Variants in SLC16A10 observed in about 807,000 individuals in gnomAD.
SLC16A10 encodes the protein monocarboxylate transporter 10.
A neutral mutation model predicts 40.0 loss-of-function variants in SLC16A10; 27 were observed. The ratio of observed to expected loss-of-function variants is 0.67; its 90% CI spans 0.50 to 0.93. The LOEUF (loss-of-function observed/expected upper bound fraction) is 0.93, where lower values mean the gene tolerates loss of function less well. SLC16A10 is among the 40% of genes least tolerant of loss of function. The pLI is 0.00. For missense variants in SLC16A10, 529 were observed against 658.2 expected (o/e 0.80, Z 2.15); for synonymous variants, 213 against 249.8 (o/e 0.85, Z 1.39).
chr6:111,195,574 T>A (rs577057991), intron 3 of SLC16A10, among the ~76,000 whole-genome samples: 36 of 152,170 alleles, frequency 2.4e-4, no homozygotes, highest in African/African-American at 8.7e-4. Flanking sequence ...ATCAAAAAAA[T>A]AAAAATAGTC....
chr6:111,175,705 A>AT (rs35809166), intron 2 of SLC16A10, among the ~76,000 whole-genome samples: 50,926 of 144,752 alleles, frequency 0.35, 9,297 homozygotes, highest in Non-Finnish European at 0.42. Flanking sequence ...GCAGAACCAC[A>AT]TTTTTTTTTT....
chr6:111,203,719 CAAATAAAT>C (rs60881476), intron 3 of SLC16A10, among the ~76,000 whole-genome samples: 1,730 of 138,146 alleles, frequency 0.013, 43 homozygotes, highest in African/African-American at 0.041. Context: ...AACCCCATCT[CAAATAAAT>C]AAATAAATAA....
intron 1 of SLC16A10, among the ~76,000 whole-genome samples, chr6:111,116,272 C>CAGTG (rs1161945063): frequency 2.0e-5 from 3 of 151,860 alleles, no homozygotes; most frequent in African/African-American, 7.3e-5. Context: ...GGCTGGAGTG[C>CAGTG]AGTGGCGCAA....
intron 1 of SLC16A10, among the ~76,000 whole-genome samples, chr6:111,112,358 G>A (rs1307912038): frequency 6.6e-6 from 1 of 152,164 alleles, no homozygotes; most frequent in Non-Finnish European, 1.5e-5. Flanking sequence ...TTGATACTGA[G>A]CTTAATTTTG....
chr6:111,204,786 A>G (rs1244974240), intron 3 of SLC16A10, among the ~76,000 whole-genome samples: 2 of 152,200 alleles, frequency 1.3e-5, no homozygotes, highest in Non-Finnish European at 2.9e-5. Flanking sequence ...CTTTTCTTTT[A>G]AACTAAAGGG....
chr6:111,116,872 A>G (rs1376863273), intron 1 of SLC16A10, among the ~76,000 whole-genome samples: 1 of 152,074 alleles, frequency 6.6e-6, no homozygotes, highest in African/African-American at 2.4e-5. Context: ...AAAATGGCAG[A>G]CAGAAGGATG....
chr6:111,214,047 C>T (rs1354288198), intron 4 of SLC16A10, among the ~76,000 whole-genome samples: 1 of 152,178 alleles, frequency 6.6e-6, no homozygotes, highest in Non-Finnish European at 1.5e-5. Flanking sequence ...GACATTTCTC[C>T]AGCAATGCTC....
chr6:111,170,983 C>G (rs1408874235), intron 1 of SLC16A10, among the ~76,000 whole-genome samples: 1 of 151,964 alleles, frequency 6.6e-6, no homozygotes, highest in Non-Finnish European at 1.5e-5. Context: ...ACAAAAGATA[C>G]AAAAATTAGC....
At chr6:111,113,060 A>G (rs1156341359) in intron 1 of SLC16A10, among the ~76,000 whole-genome samples, 1 of 152,220 alleles carries the variant, frequency 6.6e-6, no homozygotes, top group African/African-American at 2.4e-5. Flanking sequence ...TATATTAAAT[A>G]TACTAGAATT....
chr6:111,194,541 C>T (rs1409492026), intron 3 of SLC16A10, among the ~76,000 whole-genome samples: 7 of 152,152 alleles, frequency 4.6e-5, no homozygotes, highest in African/African-American at 1.7e-4. Flanking sequence ...TGAGTGTGAA[C>T]ATCACCCAAC....
intron 3 of SLC16A10, among the ~76,000 whole-genome samples, chr6:111,180,751 G>A (rs1356939744): frequency 1.3e-5 from 2 of 152,140 alleles, no homozygotes; most frequent in Non-Finnish European, 2.9e-5. Context: ...AGGCTGTGGT[G>A]TGCTATGATT....
At chr6:111,110,649 A>G (rs1771369129) in intron 1 of SLC16A10, among the ~76,000 whole-genome samples, 1 of 152,154 alleles carries the variant, frequency 6.6e-6, no homozygotes, top group African/African-American at 2.4e-5. Flanking sequence ...GAGAATGGCA[A>G]AAGTTTGGGA....
At chr6:111,154,530 C>T (rs931499797) in intron 1 of SLC16A10, among the ~76,000 whole-genome samples, 5 of 152,178 alleles carry the variant, frequency 3.3e-5, no homozygotes, top group Non-Finnish European at 7.3e-5. Context: ...ACACAATTTA[C>T]TTGTTACTTT....
intron 1 of SLC16A10, among the ~76,000 whole-genome samples, chr6:111,101,686 G>A (rs1172337854): frequency 5.3e-5 from 8 of 152,098 alleles, no homozygotes; most frequent in Admixed American, 3.9e-4. Context: ...GCCATGGCAC[G>A]ATCACGGCTC....
intron 1 of SLC16A10, among the ~76,000 whole-genome samples, chr6:111,157,693 G>A (rs1583333956): frequency 2.0e-5 from 3 of 152,208 alleles, no homozygotes; most frequent in South Asian, 4.2e-4. Flanking sequence ...GTGGTTTTAA[G>A]GCAGATCTAT....
intron 1 of SLC16A10, among the ~76,000 whole-genome samples, chr6:111,123,876 G>C (rs1347006546): frequency 6.6e-6 from 1 of 152,054 alleles, no homozygotes. Flanking sequence ...TTACCATCTG[G>C]GAGACATTGG....
chr6:111,156,076 A>T (rs868416744), intron 1 of SLC16A10, among the ~76,000 whole-genome samples: 6 of 152,340 alleles, frequency 3.9e-5, no homozygotes, highest in Middle Eastern at 6.8e-3. Flanking sequence ...CATGTGAAAG[A>T]GTTTGCAATA....
At chr6:111,197,405 A>G (rs1437600565) in intron 3 of SLC16A10, among the ~76,000 whole-genome samples, 2 of 152,220 alleles carry the variant, frequency 1.3e-5, no homozygotes, top group Non-Finnish European at 2.9e-5. Flanking sequence ...TCAAATCTTT[A>G]AGTTAAAATT....
chr6:111,222,149 A>T lies in SLC16A10; in HGVS notation c.1462A>T (p.Lys488Ter). ...REISKTTGKE[K>*]MEKMLENQNS... is the part of the protein sequence containing the mutation. Reference sequence around the variant, plus strand: ...GATCAGTAAAACCACTGGAAAAGAAAAGATGGAGAAAATGTTGGAAAACCA... The same window carrying T: ...GATCAGTAAAACCACTGGAAAAGAATAGATGGAGAAAATGTTGGAAAACCA... The change falls in exon 6 of 6, where the codon AAG becomes TAG. Residue 488 changes from lysine (K) to a stop codon, truncating the protein, a stop_gained. Transcript: ENST00000368851. LOFTEE classifies it high-confidence loss of function. The T allele has an allele frequency of 6.2e-7, 1 of 1,607,592 alleles. No individual in the cohort carries two copies. Among genetic ancestry groups the T allele is most frequent in the Non-Finnish European group, 8.5e-7 (1 of 1,178,442 alleles).
Sources: allele counts gnomAD v4.1 joint callset (sites outside exome capture counted in the v4.1 genomes callset), GRCh38; gene constraint gnomAD v4.1.1; transcripts MANE v1.5; gene names NCBI Gene and HGNC (gene_info 2026-07-23, HGNC 2026-07-21).